The following HIPK3 variants were observed in gnomAD, a reference collection of about 807,000 sequenced individuals.
HIPK3 encodes homeodomain interacting protein kinase 3.
Under a neutral mutation model 124.2 loss-of-function variants are expected in HIPK3, and 47 were observed. That is an observed-to-expected ratio of 0.38 (90% CI 0.30 to 0.48). HIPK3 has a LOEUF of 0.48. HIPK3 is among the 20% of genes least tolerant of loss of function. HIPK3 has a pLI of 0.98. For missense variants in HIPK3, 1,286 were observed against 1,454.3 expected (o/e 0.88, Z 1.88); for synonymous variants, 482 against 515.2 (o/e 0.94, Z 0.87).
At position 33,258,392 on chromosome 11, in the gene HIPK3, C is replaced by G. The variant is rs539653414; in HGVS notation, c.-3+503C>G. ...GCTTGAGCACCCCAGCCGATGGCCG[C>G]GTCCCGGGCTTTGTGGCCCCGTCCC... On this transcript the variant is annotated intron_variant, in intron 1 of 16. Coordinates refer to ENST00000303296, the MANE Select transcript of HIPK3 (RefSeq NM_005734.5). 1.0e-4 allele frequency: 99 copies of G among 985,754 alleles called. No individual in the cohort carries two copies. The African/African-American group carries it at 1.6e-3, about 16-fold the overall frequency. 61.1% of individuals were successfully genotyped at this position (985,754 alleles called of 1,614,324 possible).
intron 2 of HIPK3, among the ~76,000 whole-genome samples, chr11:33,300,150 G>A (rs1388524860): frequency 6.6e-6 from 1 of 152,036 alleles, no homozygotes; most frequent in Non-Finnish European, 1.5e-5. Context: ...GACCAGCCTG[G>A]CCAACATGGC....
chr11:33,265,646 C>T (rs1441740928), intron 1 of HIPK3, among the ~76,000 whole-genome samples: 1 of 151,628 alleles, frequency 6.6e-6, no homozygotes, highest in African/African-American at 2.4e-5. Flanking sequence ...TGGTGGTGTG[C>T]ACCTGTAGCC....
chr11:33,268,067 C>T (rs974604711), intron 1 of HIPK3, among the ~76,000 whole-genome samples: 1 of 151,644 alleles, frequency 6.6e-6, no homozygotes, highest in Non-Finnish European at 1.5e-5. Flanking sequence ...AAAAATCAGA[C>T]GGGTGTGGTG....
intron 2 of HIPK3, among the ~76,000 whole-genome samples, chr11:33,318,207 A>C (rs952873315): frequency 7.3e-6 from 1 of 137,756 alleles, no homozygotes; most frequent in Non-Finnish European, 1.7e-5. Context: ...ATAAAAGTCC[A>C]ATAGTTTTTT....
upstream of HIPK3, chr11:33,256,785 C>T: frequency 5.0e-6 from 4 of 800,956 alleles, no homozygotes; most frequent in Non-Finnish European, 2.9e-6. Context: ...GGGTTTTGGA[C>T]AGTAGAGATG....
rs1198985302 is a variant in HIPK3 at position 33,337,256 on chromosome 11, G to C, written c.1341+62G>C. 3.3e-6 allele frequency: 3 copies of C among 917,778 alleles called. No individual in the cohort carries two copies. The African/African-American group carries it at 5.1e-5, about 16-fold the overall frequency. 56.9% of individuals were successfully genotyped at this position (917,778 alleles called of 1,614,324 possible). A position where few individuals can be genotyped will look rare whatever the true frequency, so the allele number is the denominator to read the frequency against. On this transcript the variant is annotated intron_variant, in intron 4 of 16. Transcript: ENST00000303296. ...TTTTCTAAGATGCCTCATATGCATG[G>C]ATAATACCTTCCATGTCTATTTACA...
Position 33,340,563 on chromosome 11 carries a change from C to T in HIPK3, c.1614-405C>T, listed in dbSNP as rs537939131. ...TTTTCTACAGCCCAGTTACATTTTC[C>T]CCTCAAACACTTAAAATGTCCTAAT... On this transcript the variant is annotated intron_variant, in intron 6 of 16. Coordinates refer to ENST00000303296, the MANE Select transcript of HIPK3 (RefSeq NM_005734.5). 2.0e-5 allele frequency among the ~76,000 whole-genome samples: 3 copies of T among 152,282 alleles called. No homozygotes were observed. In the East Asian group the frequency reaches 5.8e-4, roughly 29 times the overall value.
chr11:33,350,623 A>G (rs577453854), intron 14 of HIPK3, among the ~76,000 whole-genome samples: 121 of 152,232 alleles, frequency 7.9e-4, no homozygotes, highest in African/African-American at 2.8e-3. Context: ...GCAGTGAGCT[A>G]TGATCACACC....
At chr11:33,317,534 T>G (rs1238518194) in intron 2 of HIPK3, among the ~76,000 whole-genome samples, 1 of 152,170 alleles carries the variant, frequency 6.6e-6, no homozygotes, top group East Asian at 1.9e-4. Context: ...CCCAAAGAGT[T>G]GGGATTACAG....
At chr11:33,341,736 A>G (rs1005536386) in intron 8 of HIPK3, 50 bp downstream of exon 8, 1 of 1,497,584 alleles carries the variant, frequency 6.7e-7, no homozygotes, top group Non-Finnish European at 9.1e-7. Context: ...CTTTATTTTA[A>G]AATAAGTTTA....
chr11:33,339,781 A>G (rs1477840870), intron 6 of HIPK3, among the ~76,000 whole-genome samples: 1 of 152,180 alleles, frequency 6.6e-6, no homozygotes, highest in East Asian at 1.9e-4. Flanking sequence ...TTTTGTTTTT[A>G]TTATACATGA....
chr11:33,279,324 C>CA (rs869091127), intron 1 of HIPK3, among the ~76,000 whole-genome samples: 1,552 of 76,264 alleles, frequency 0.02, 18 homozygotes, highest in South Asian at 0.036. Context: ...CTCTTTGTCT[C>CA]AAAAAAAAAA....
chr11:33,266,378 T>C (rs1407711329), intron 1 of HIPK3, among the ~76,000 whole-genome samples: 1 of 152,140 alleles, frequency 6.6e-6, no homozygotes, highest in Non-Finnish European at 1.5e-5. Flanking sequence ...TTGTGTGTTA[T>C]TCACTGCTGT....
At chr11:33,304,141 A>G (rs574803523) in intron 2 of HIPK3, among the ~76,000 whole-genome samples, 46 of 152,262 alleles carry the variant, frequency 3.0e-4, no homozygotes, top group Non-Finnish European at 5.4e-4. Context: ...GGGTGTCACC[A>G]TGTTGGCTAG....
chr11:33,312,088 G>A (rs1251214461), intron 2 of HIPK3, among the ~76,000 whole-genome samples: 1 of 152,114 alleles, frequency 6.6e-6, no homozygotes, highest in African/African-American at 2.4e-5. Context: ...TTGAACTCCT[G>A]GCCTCAAGCT....
At chr11:33,270,327 T>C (rs1043399297) in intron 1 of HIPK3, among the ~76,000 whole-genome samples, 6 of 151,878 alleles carry the variant, frequency 4.0e-5, no homozygotes, top group Non-Finnish European at 8.8e-5. Context: ...TATTTATTGT[T>C]TTTTTGAGAC....
intron 2 of HIPK3, among the ~76,000 whole-genome samples, chr11:33,298,693 C>T (rs1851907489): frequency 6.6e-6 from 1 of 152,156 alleles, no homozygotes; most frequent in Non-Finnish European, 1.5e-5. Flanking sequence ...GGGTTCAAGA[C>T]TTCAGTCTTG....
chr11:33,274,846 A>G (rs1174526919), intron 1 of HIPK3, among the ~76,000 whole-genome samples: 2 of 152,274 alleles, frequency 1.3e-5, no homozygotes, highest in East Asian at 3.9e-4. Flanking sequence ...GCTAAGTCAG[A>G]TGAAGCTTGT....
chr11:33,297,127 C>T (rs181290292), intron 2 of HIPK3, among the ~76,000 whole-genome samples: 1 of 149,882 alleles, frequency 6.7e-6, no homozygotes, highest in Non-Finnish European at 1.5e-5. Context: ...AGTCTCTCAC[C>T]CTGTTGCCTA....
Sources: allele counts gnomAD v4.1 joint callset (sites outside exome capture counted in the v4.1 genomes callset), GRCh38; gene constraint gnomAD v4.1.1; transcripts MANE v1.5; gene names NCBI Gene and HGNC (gene_info 2026-07-23, HGNC 2026-07-21).